Variants in ACACA observed in about 807,000 individuals in gnomAD.
ACACA encodes acetyl-CoA carboxylase alpha.
ACACA carries 103 observed loss-of-function variants against 296.1 expected under a neutral mutation model. The ratio of observed to expected loss-of-function variants is 0.35; its 90% CI spans 0.30 to 0.41. The LOEUF (loss-of-function observed/expected upper bound fraction) is 0.41, where lower values mean the gene tolerates loss of function less well. Ranked by LOEUF, ACACA falls within the 10% of genes least tolerant of loss-of-function variation. ACACA has a pLI of 1.00. For missense variants in ACACA, 1,554 were observed against 2,989.7 expected (o/e 0.52, Z 11.20); for synonymous variants, 953 against 1,038.6 (o/e 0.92, Z 1.58).
intron 3 of ACACA, among the ~76,000 whole-genome samples, chr17:37,290,514 T>C (rs1454139500): frequency 6.6e-6 from 1 of 152,178 alleles, no homozygotes; most frequent in Admixed American, 6.5e-5. Context: ...AGCACCATTT[T>C]ACAAGTGAGG....
intron 31 of ACACA, among the ~76,000 whole-genome samples, 162 bp downstream of exon 31, chr17:37,207,495 A>C (rs1017374594): frequency 6.6e-6 from 1 of 152,164 alleles, no homozygotes; most frequent in Non-Finnish European, 1.5e-5. Context: ...GTAGAAATGC[A>C]AGGATATATA....
At chr17:37,399,878 T>C (rs2051221904) in intron 1 of ACACA, among the ~76,000 whole-genome samples, 1 of 151,824 alleles carries the variant, frequency 6.6e-6, no homozygotes, top group Admixed American at 6.6e-5. Flanking sequence ...AAGAAATTTA[T>C]TTTATTTAAT....
intron 1 of ACACA, chr17:37,392,127 C>CTTAGAGTGGGA (rs1401598840): frequency 5.4e-6 from 1 of 184,724 alleles, no homozygotes; most frequent in Non-Finnish European, 1.1e-5. Flanking sequence ...CACTCACTGG[C>CTTAGAGTGGGA]CCTCAATAGC....
At chr17:37,365,603 G>T (rs1173806806) in intron 1 of ACACA, 2 of 985,248 alleles carry the variant, frequency 2.0e-6, no homozygotes, top group Non-Finnish European at 2.4e-6. Flanking sequence ...TGATATAAAA[G>T]AAAAATAAGA....
intron 45 of ACACA, chr17:37,140,908 C>T (rs984706441): frequency 1.8e-5 from 5 of 277,954 alleles, no homozygotes; most frequent in East Asian, 1.0e-4. Flanking sequence ...AGGGATGAGG[C>T]GCACCAGCAC....
At position 37,247,946 on chromosome 17, in the gene ACACA, C is replaced by G. The variant is rs565701090; in HGVS notation, c.2309+65G>C. On this transcript the variant is annotated intron_variant, in intron 18 of 55. Transcript: ENST00000616317. ...GAAAAGCCTGGGAAAATCCCAAGAG[C>G]TAGTAGCTAATAAGAGAAAAGGCTA... 1.2e-3 allele frequency: 1,860 copies of G among 1,599,998 alleles called. 2 individuals are homozygous for G. Among genetic ancestry groups the G allele is most frequent in the Non-Finnish European group, 1.3e-3 (1,505 of 1,171,232 alleles).
intron 25 of ACACA, among the ~76,000 whole-genome samples, chr17:37,230,412 AAAT>A: frequency 6.6e-6 from 1 of 151,562 alleles, no homozygotes; most frequent in Non-Finnish European, 1.5e-5. Flanking sequence ...ATAAATAAAT[AAAT>A]AAATAAATAA....
chr17:37,246,711 G>T, intron 19 of ACACA, 115 bp downstream of exon 19: 1 of 1,396,330 alleles, frequency 7.2e-7, no homozygotes, highest in Non-Finnish European at 1.0e-6. Context: ...AGGATTACAG[G>T]CACAAGCCAC....
intron 48 of ACACA, among the ~76,000 whole-genome samples, chr17:37,124,325 G>C (rs959055458): frequency 6.6e-6 from 1 of 152,212 alleles, no homozygotes; most frequent in Non-Finnish European, 1.5e-5. Flanking sequence ...AAGCTTGACT[G>C]ATCTTGGTCG....
chr17:37,338,106 A>G (rs991147663), intron 2 of ACACA, among the ~76,000 whole-genome samples: 1 of 141,716 alleles, frequency 7.1e-6, no homozygotes, highest in Non-Finnish European at 1.5e-5. Flanking sequence ...CAAAAATAAA[A>G]TAAAATAAAA....
intron 1 of ACACA, among the ~76,000 whole-genome samples, chr17:37,357,090 T>C (rs2049177503): frequency 6.6e-6 from 1 of 152,178 alleles, no homozygotes; most frequent in Non-Finnish European, 1.5e-5. Flanking sequence ...CATTACCTAG[T>C]TTTTGAACTA....
At chr17:37,202,428 A>G (rs927623207) in intron 33 of ACACA, among the ~76,000 whole-genome samples, 1 of 151,946 alleles carries the variant, frequency 6.6e-6, no homozygotes, top group Non-Finnish European at 1.5e-5. Flanking sequence ...GACTGCTTCA[A>G]TCTCCTCCAC....
chr17:37,274,375 A>C (rs554183754), intron 8 of ACACA, 76 bp from the exon 9 acceptor site: 1 of 1,345,934 alleles, frequency 7.4e-7, no homozygotes, highest in Non-Finnish European at 1.1e-6. Flanking sequence ...GCATTCTTTG[A>C]AATGCTATCA....
At chr17:37,201,849 C>A (rs1185228443) in intron 33 of ACACA, among the ~76,000 whole-genome samples, 2 of 152,168 alleles carry the variant, frequency 1.3e-5, no homozygotes, top group African/African-American at 2.4e-5. Flanking sequence ...TAAGGAAGCA[C>A]ATTCTTGGGT....
chr17:37,294,063 AT>A (rs113840526), intron 3 of ACACA, among the ~76,000 whole-genome samples: 1 of 150,308 alleles, frequency 6.7e-6, no homozygotes. Context: ...ATACACTGGT[AT>A]TTTTTTTTGC....
intron 3 of ACACA, 120 bp downstream of exon 3, chr17:37,330,053 T>C: frequency 7.8e-7 from 1 of 1,274,616 alleles, no homozygotes. Context: ...AAGCTTTGAG[T>C]TCAGTGACAT....
intron 1 of ACACA, chr17:37,388,847 CTG>C: frequency 6.3e-7 from 1 of 1,597,692 alleles, no homozygotes; most frequent in East Asian, 2.2e-5. Context: ...AGACTTTCTT[CTG>C]TTCCAGAGGC....
At position 37,288,595 on chromosome 17, in the gene ACACA, A is replaced by G. The variant is rs537846884; in HGVS notation, c.339-3625T>C. The stretch of plus-strand genomic sequence containing the variant: ...ATATGTGTTAAAACCATCAAACTAC[A>G]TAATTTTAAAAGGTGAACTTGGCCT... On this transcript the variant is annotated intron_variant, in intron 3 of 55. Coordinates refer to ENST00000616317, the MANE Select transcript of ACACA (RefSeq NM_198834.3). Among the ~76,000 whole-genome samples, 5 of 152,322 alleles carry G rather than the reference A, an allele frequency of 3.3e-5. No individual in the cohort carries two copies. The South Asian group carries it at 6.2e-4, about 19-fold the overall frequency.
At chr17:37,200,073 G>C (rs531700129) in intron 35 of ACACA, 66 bp downstream of exon 35, 5 of 1,198,352 alleles carry the variant, frequency 4.2e-6, no homozygotes, top group Admixed American at 1.7e-5. Context: ...ATATATTCTG[G>C]TTAAATAATC....
Sources: gnomAD v4.1 joint callset for allele counts (sites outside exome capture counted in the v4.1 genomes callset) on GRCh38, gnomAD v4.1.1 for gene constraint, MANE v1.5 for transcripts, NCBI Gene and HGNC (gene_info 2026-07-23, HGNC 2026-07-21) for gene names.